Variants in CAMK2B observed in about 807,000 individuals in gnomAD.
CAMK2B encodes calcium/calmodulin-dependent protein kinase type II subunit beta.
In CAMK2B, 27 loss-of-function variants were observed where a neutral mutation model predicts 93.7. That is an observed-to-expected ratio of 0.29 (90% CI 0.21 to 0.40). The LOEUF is 0.40. CAMK2B is among the 10% of genes least tolerant of loss of function. The probability of loss-of-function intolerance (pLI) is 1.00; values close to 1 mark genes in which losing one functional copy is unlikely to be tolerated. For missense variants in CAMK2B, 568 were observed against 895.8 expected, an observed-to-expected ratio of 0.63 and a Z score of 4.67; for synonymous variants, 374 against 358.8, an observed-to-expected ratio of 1.04 and a Z score of -0.48.
chr7:44,314,941 G>A (rs1794485940), intron 1 of CAMK2B, among the ~76,000 whole-genome samples: 1 of 152,142 alleles, frequency 6.6e-6, no homozygotes. Context: ...CTTACTGTTA[G>A]GTAGTAAAAG....
chr7:44,280,025 A>G (rs2097090186), intron 2 of CAMK2B, among the ~76,000 whole-genome samples: 1 of 152,146 alleles, frequency 6.6e-6, no homozygotes. Context: ...TTCAGGGTGT[A>G]TCTGCTCATC....
intron 2 of CAMK2B, among the ~76,000 whole-genome samples, chr7:44,274,482 G>GTTT (rs1365079695): frequency 1.3e-5 from 2 of 152,204 alleles, no homozygotes; most frequent in Admixed American, 6.5e-5. Flanking sequence ...TTCCCACCCA[G>GTTT]GCCTCAAACC....
In CAMK2B at chr7:44,239,640, C is replaced by A. The variant is rs1032682791; in HGVS notation, c.970G>T (p.Ala324Ser). Reference sequence around the variant, plus strand: ...CCGGAGGCCGCGGTGGACATTGTGGCCGGAGCGGTGGTCTGTCTGCCCACT... The same window carrying A: ...CCGGAGGCCGCGGTGGACATTGTGGACGGAGCGGTGGTCTGTCTGCCCACT... ...FSVGRQTTAPATMSTAASGTT... is the reference protein window; with the variant it reads ...FSVGRQTTAPSTMSTAASGTT... Residue 324 changes from alanine to serine, a missense_variant, in exon 13 of 24, where the codon GCC (alanine) becomes TCC (serine). Transcript: ENST00000395749. 2 of 1,550,286 alleles carry A rather than the reference C, an allele frequency of 1.3e-6. No individual in the cohort carries two copies. The highest frequency in any genetic ancestry group is 1.7e-6 in the Non-Finnish European group (2 of 1,146,864).
At chr7:44,309,707 GA>G (rs1016924184) in intron 1 of CAMK2B, among the ~76,000 whole-genome samples, 7 of 152,308 alleles carry the variant, frequency 4.6e-5, no homozygotes, top group African/African-American at 1.4e-4. Context: ...GCCCGCGGGG[GA>G]CCAGTCAGTC....
intron 2 of CAMK2B, 106 bp from the exon 3 acceptor site, chr7:44,263,170 G>A (rs1423751483): frequency 9.7e-6 from 10 of 1,029,946 alleles, no homozygotes; most frequent in Middle Eastern, 2.4e-4. Flanking sequence ...GGCCTCTGAC[G>A]AGAGGAGTGG....
At chr7:44,266,635 G>C (rs1408664094) in intron 2 of CAMK2B, among the ~76,000 whole-genome samples, 1 of 152,158 alleles carries the variant, frequency 6.6e-6, no homozygotes, top group African/African-American at 2.4e-5. Context: ...AGCAGGTCCC[G>C]AGGCCAGCAG....
At chr7:44,304,413 G>A (rs1023505231) in intron 1 of CAMK2B, among the ~76,000 whole-genome samples, 1 of 152,142 alleles carries the variant, frequency 6.6e-6, no homozygotes, top group African/African-American at 2.4e-5. Context: ...CAGCTAAAAA[G>A]AAATGAACTA....
intron 18 of CAMK2B, chr7:44,229,163 C>T: frequency 3.2e-6 from 2 of 621,544 alleles, no homozygotes; most frequent in Non-Finnish European, 5.9e-6. Flanking sequence ...GGCCTCCCAT[C>T]CTGCCCAGTG....
chr7:44,234,165 C>T (rs1259130580), intron 15 of CAMK2B, among the ~76,000 whole-genome samples: 3 of 152,236 alleles, frequency 2.0e-5, no homozygotes, highest in Non-Finnish European at 4.4e-5. Flanking sequence ...GCCAGGGGCT[C>T]CCCAGAGCAG....
At chr7:44,227,528 A>G (rs1432398957) in intron 19 of CAMK2B, among the ~76,000 whole-genome samples, 1 of 684 alleles carries the variant, frequency 1.5e-3, no homozygotes. Flanking sequence ...ACAGAGGGGG[A>G]TATGGGGGAC....
intron 5 of CAMK2B, among the ~76,000 whole-genome samples, chr7:44,251,985 A>G (rs573121198): frequency 6.6e-6 from 1 of 152,274 alleles, no homozygotes; most frequent in South Asian, 2.1e-4. Context: ...CTGGGGTTCA[A>G]GCAGATGGGA....
rs538870858 is a variant in CAMK2B, at chr7:44,272,259, G to A, written c.161-9195C>T. Among the ~76,000 whole-genome samples, 29 of 152,278 alleles carry A rather than the reference G, an allele frequency of 1.9e-4. 1 individual carries two copies. In the South Asian group the frequency reaches 5.0e-3, roughly 26 times the overall value. On this transcript the variant is annotated intron_variant, in intron 2 of 23. Coordinates refer to ENST00000395749, the MANE Select transcript of CAMK2B (RefSeq NM_001220.5). ...GAATAACCCCGGCCCAAGGTCTGGG[G>A]GCCAGGTCAGGATCCTCTGAGGGCA...
rs2096975562 is a variant in CAMK2B, at chr7:44,271,632, T to A, written c.161-8568A>T. On this transcript the variant is annotated intron_variant, in intron 2 of 23. Coordinates refer to ENST00000395749, the MANE Select transcript of CAMK2B (RefSeq NM_001220.5). This position sits in a 1 kb window ranked among gnomAD's most constrained non-coding sequence, Gnocchi z 4.2. ...TGGTAGCACTGACCTTGGATTTATTTGAGACCAGATTGGGCAGCTGGGTGG... is the reference window on the plus strand; with the variant it reads ...TGGTAGCACTGACCTTGGATTTATTAGAGACCAGATTGGGCAGCTGGGTGG... 6.6e-6 allele frequency among the ~76,000 whole-genome samples: 1 copy of A among 152,226 alleles called. No homozygotes were observed. Among genetic ancestry groups the A allele is most frequent in the African/African-American group, 2.4e-5 (1 of 41,470 alleles).
chr7:44,259,029 G>A (rs1162280681), intron 3 of CAMK2B, 103 bp from the exon 4 acceptor site: 9 of 1,067,260 alleles, frequency 8.4e-6, no homozygotes, highest in Non-Finnish European at 1.3e-5. Context: ...GTAAGCCCTA[G>A]GGCTGCCCAG....
chr7:44,228,495 G>A (rs1356985891), intron 19 of CAMK2B, among the ~76,000 whole-genome samples: 3 of 152,110 alleles, frequency 2.0e-5, no homozygotes, highest in East Asian at 3.9e-4. Flanking sequence ...CCTCGGAGGG[G>A]CCAGGGCTGC....
intron 11 of CAMK2B, 118 bp downstream of exon 11, chr7:44,241,582 A>C: frequency 1.4e-6 from 1 of 737,680 alleles, no homozygotes; most frequent in Non-Finnish European, 2.3e-6. Context: ...GCTAACAGTC[A>C]GTCTTGGGGG....
At chr7:44,315,503 C>T (rs1278888775) in intron 1 of CAMK2B, among the ~76,000 whole-genome samples, 1 of 152,178 alleles carries the variant, frequency 6.6e-6, no homozygotes, top group African/African-American at 2.4e-5. Flanking sequence ...GAAATCAGAA[C>T]CCGTGAGTCC....
chr7:44,269,500 C>T (rs1019698895), intron 2 of CAMK2B, among the ~76,000 whole-genome samples: 5 of 152,200 alleles, frequency 3.3e-5, no homozygotes, highest in Non-Finnish European at 5.9e-5. Context: ...CTATGCCATC[C>T]TCCACCCTCC....
chr7:44,234,555 C>T, intron 14 of CAMK2B, 84 bp downstream of exon 14: 1 of 1,595,468 alleles, frequency 6.3e-7, no homozygotes. Flanking sequence ...GGGAGGGGGA[C>T]TCCAGAGCAG....
Sources: gnomAD v4.1 joint callset for allele counts (sites outside exome capture counted in the v4.1 genomes callset) on GRCh38, gnomAD v4.1.1 for gene constraint, Gnocchi (gnomAD v3.1) non-coding constraint, MANE v1.5 for transcripts, NCBI Gene and HGNC (gene_info 2026-07-23, HGNC 2026-07-21) for gene names.